Variants in CDC42BPA observed in about 807,000 individuals in gnomAD.
CDC42BPA encodes the protein serine/threonine-protein kinase MRCK alpha.
Under a neutral mutation model 223.5 loss-of-function variants are expected in CDC42BPA, and 80 were observed. That is an observed-to-expected ratio of 0.36 (90% CI 0.30 to 0.43). The LOEUF (loss-of-function observed/expected upper bound fraction) is 0.43. Among genes scored for constraint, CDC42BPA ranks in the 20% least tolerant of loss-of-function variants. The probability of loss-of-function intolerance (pLI) is 1.00; values close to 1 mark genes in which losing one functional copy is unlikely to be tolerated. For synonymous variants in CDC42BPA, 694 were observed against 718.6 expected, an observed-to-expected ratio of 0.97 and a Z score of 0.55; for missense variants, 1,743 against 2,099.9, an observed-to-expected ratio of 0.83 and a Z score of 3.32.
intron 23 of CDC42BPA, among the ~76,000 whole-genome samples, chr1:227,046,226 G>A (rs1672420147): frequency 6.6e-6 from 1 of 152,256 alleles, no homozygotes; most frequent in East Asian, 1.9e-4. Context: ...CCACATGAGA[G>A]CAAACATATG....
chr1:226,991,562 G>A lies in CDC42BPA; in HGVS notation c.*2706C>T, dbSNP rs1331361087. 2.0e-5 allele frequency: 3 copies of A among 152,100 alleles called. No individual in the cohort carries two copies. Among genetic ancestry groups the A allele is most frequent in the African/African-American group, 7.2e-5 (3 of 41,402 alleles). The allele number at this position is 152,100 out of a possible 1,614,324, so 9.4% of individuals were successfully genotyped here. On this transcript the variant is annotated 3_prime_UTR_variant, in exon 37 of 37. Transcript: ENST00000366766. ...CTGCTTTTAGAATCTGCACGCATTCGGGACTGCTCTATTATGACTGATGAG... is the reference window on the plus strand; with the variant it reads ...CTGCTTTTAGAATCTGCACGCATTCAGGACTGCTCTATTATGACTGATGAG...
chr1:227,095,589 G>GTTT (rs35570582), intron 15 of CDC42BPA, among the ~76,000 whole-genome samples: 5 of 127,596 alleles, frequency 3.9e-5, no homozygotes, highest in Admixed American at 8.0e-5. Flanking sequence ...AAGTTCTTTG[G>GTTT]TTTTTTTTTT....
At chr1:227,088,614 A>T (rs892223184) in intron 16 of CDC42BPA, among the ~76,000 whole-genome samples, 2 of 152,266 alleles carry the variant, frequency 1.3e-5, no homozygotes, top group African/African-American at 4.8e-5. Flanking sequence ...AAAACAAATT[A>T]CAACTTTTCT....
At chr1:227,021,018 C>T (rs888738832) in intron 32 of CDC42BPA, among the ~76,000 whole-genome samples, 2 of 152,112 alleles carry the variant, frequency 1.3e-5, no homozygotes, top group East Asian at 1.9e-4. Flanking sequence ...CTTGGTGGAA[C>T]AGTCAGAACA....
intron 8 of CDC42BPA, among the ~76,000 whole-genome samples, chr1:227,144,574 C>CAAAAAAAAAAAAAAAAA (rs57568297): frequency 6.3e-5 from 4 of 63,484 alleles, no homozygotes; most frequent in Non-Finnish European, 1.1e-4. Context: ...GACTCTGTCT[C>CAAAAAAAAAAAAAAAAA]AAAAAAAAAA....
chr1:227,247,618 C>T (rs945409085), intron 2 of CDC42BPA, among the ~76,000 whole-genome samples: 19 of 152,106 alleles, frequency 1.2e-4, no homozygotes, highest in African/African-American at 4.6e-4. Flanking sequence ...GGCGTAGTGG[C>T]TCATGCCTGT....
At chr1:226,996,577 A>G (rs916928430) in intron 35 of CDC42BPA, among the ~76,000 whole-genome samples, 2 of 152,196 alleles carry the variant, frequency 1.3e-5, no homozygotes, top group Non-Finnish European at 2.9e-5. Context: ...GCTTTTGCCC[A>G]TTCGGTATGA....
At chr1:227,086,592 T>C (rs1393843751) in intron 16 of CDC42BPA, among the ~76,000 whole-genome samples, 1 of 152,202 alleles carries the variant, frequency 6.6e-6, no homozygotes, top group African/African-American at 2.4e-5. Context: ...ATGTGCTTAT[T>C]TGTTATTCAT....
At chr1:227,192,849 T>C (rs1669944058) in intron 5 of CDC42BPA, among the ~76,000 whole-genome samples, 1 of 152,114 alleles carries the variant, frequency 6.6e-6, no homozygotes, top group Admixed American at 6.6e-5. Flanking sequence ...TTGAAAGTAT[T>C]TTCTTGAGAA....
At chr1:227,145,801 CTTAT>C in intron 7 of CDC42BPA, 64 bp from the exon 8 acceptor site, 3 of 1,307,810 alleles carry the variant, frequency 2.3e-6, no homozygotes, top group Middle Eastern at 1.9e-4. Flanking sequence ...AGTTGGTTGA[CTTAT>C]TTATTTTCTT....
intron 5 of CDC42BPA, among the ~76,000 whole-genome samples, chr1:227,178,046 G>T (rs1008983703): frequency 6.6e-6 from 1 of 152,042 alleles, no homozygotes; most frequent in African/African-American, 2.4e-5. Flanking sequence ...TCACCTGGAA[G>T]AAAACAAATG....
At chr1:227,210,806 C>T (rs919385522) in intron 3 of CDC42BPA, among the ~76,000 whole-genome samples, 2 of 152,194 alleles carry the variant, frequency 1.3e-5, no homozygotes, top group Non-Finnish European at 2.9e-5. Context: ...GATGCTGTCA[C>T]ACCTTCAGGG....
intron 1 of CDC42BPA, among the ~76,000 whole-genome samples, chr1:227,282,785 T>C (rs980128095): frequency 3.9e-5 from 6 of 151,974 alleles, no homozygotes; most frequent in Admixed American, 3.3e-4. Context: ...TACTTAAGAG[T>C]AGTCAAATTC....
chr1:227,238,604 C>T (rs1268555203), intron 2 of CDC42BPA, among the ~76,000 whole-genome samples: 1 of 151,956 alleles, frequency 6.6e-6, no homozygotes, highest in African/African-American at 2.4e-5. Context: ...TGTTGACCCA[C>T]AGTCTAAACA....
intron 1 of CDC42BPA, among the ~76,000 whole-genome samples, chr1:227,297,012 C>T (rs963157942): frequency 1.3e-5 from 2 of 152,162 alleles, no homozygotes; most frequent in East Asian, 1.9e-4. Flanking sequence ...AAAGAATAGG[C>T]GAGACTATGC....
chr1:227,254,672 C>T (rs116838175), intron 1 of CDC42BPA, among the ~76,000 whole-genome samples: 9,103 of 152,202 alleles, frequency 0.06, 277 homozygotes, highest in Non-Finnish European at 0.072. Context: ...TGATATGATA[C>T]TTTCCTTCAA....
chr1:227,138,536 A>AAAAAAAAAG (rs1434443672), intron 10 of CDC42BPA, among the ~76,000 whole-genome samples: 3 of 151,278 alleles, frequency 2.0e-5, no homozygotes, highest in African/African-American at 4.9e-5. Context: ...AAAAAAAAAA[A>AAAAAAAAAG]AGAGAGCGTT....
chr1:227,028,012 C>T (rs1006054982), intron 30 of CDC42BPA, among the ~76,000 whole-genome samples: 5 of 151,408 alleles, frequency 3.3e-5, no homozygotes, highest in Non-Finnish European at 7.4e-5. Context: ...CCCAGCTACT[C>T]GGGAGGCTGA....
intron 5 of CDC42BPA, among the ~76,000 whole-genome samples, chr1:227,177,136 A>T (rs202029057): frequency 0.25 from 36,228 of 147,494 alleles, 4,435 homozygotes; most frequent in Non-Finnish European, 0.26. Context: ...AGAAAAAAAA[A>T]ATATATATAT....
Sources: gnomAD v4.1 joint callset for allele counts (sites outside exome capture counted in the v4.1 genomes callset) on GRCh38, gnomAD v4.1.1 for gene constraint, MANE v1.5 for transcripts, NCBI Gene and HGNC (gene_info 2026-07-23, HGNC 2026-07-21) for gene names.